The following FOCAD variants were observed in gnomAD, a reference collection of about 807,000 sequenced individuals.
The protein encoded by FOCAD is focadhesin, also known as KIAA1797.
FOCAD carries 198 observed loss-of-function variants against 225.6 expected under a neutral mutation model. The observed-to-expected ratio is 0.88, with a 90% CI of 0.78 to 0.99. The LOEUF is 0.99. FOCAD is among the 50% of genes least tolerant of loss of function. The pLI, the probability that FOCAD is intolerant of heterozygous loss-of-function variation, is 0.00. For synonymous variants in FOCAD, 897 were observed against 755.0 expected, an observed-to-expected ratio of 1.19 and a Z score of -3.08; for missense variants, 2,713 against 2,123.6, an observed-to-expected ratio of 1.28 and a Z score of -5.46.
intron 42 of FOCAD, among the ~76,000 whole-genome samples, chr9:20,991,321 T>G (rs1282608585): frequency 2.0e-5 from 3 of 152,222 alleles, no homozygotes; most frequent in Non-Finnish European, 4.4e-5. Context: ...TTTATGAAGT[T>G]GAAAGCTTCA....
At chr9:20,850,381 A>C (rs1827531011) in intron 15 of FOCAD, among the ~76,000 whole-genome samples, 1 of 151,840 alleles carries the variant, frequency 6.6e-6, no homozygotes, top group African/African-American at 2.4e-5. Flanking sequence ...ACTGTCGAGG[A>C]AGAAAATCTA....
chr9:20,961,814 G>C (rs10964766), intron 35 of FOCAD, among the ~76,000 whole-genome samples: 55,159 of 151,954 alleles, frequency 0.36, 10,279 homozygotes, highest in East Asian at 0.43. Flanking sequence ...TCTCCACTGG[G>C]TGCCATCCTA....
At chr9:20,989,351 T>C (rs1841457752) in intron 41 of FOCAD, among the ~76,000 whole-genome samples, 2 of 152,248 alleles carry the variant, frequency 1.3e-5, no homozygotes, top group Admixed American at 6.5e-5. Flanking sequence ...TTATTAACTT[T>C]CTCTGTTTTC....
At chr9:20,948,984 G>A in intron 32 of FOCAD, 56 bp downstream of exon 32, 2 of 1,487,576 alleles carry the variant, frequency 1.3e-6, no homozygotes, top group Non-Finnish European at 1.9e-6. Flanking sequence ...AGCCATAGCG[G>A]GAGAAGAATA....
chr9:20,936,006 T>C (rs992159021), intron 28 of FOCAD, among the ~76,000 whole-genome samples: 9 of 152,248 alleles, frequency 5.9e-5, no homozygotes, highest in African/African-American at 2.2e-4. Flanking sequence ...TTTTATGAGA[T>C]ATTTAATGTT....
At chr9:20,867,188 T>C (rs1418940743) in intron 18 of FOCAD, among the ~76,000 whole-genome samples, 176 bp downstream of exon 18, 2 of 151,962 alleles carry the variant, frequency 1.3e-5, no homozygotes. Context: ...CTGTAGAGGT[T>C]TGAAGCAGAT....
chr9:20,682,503 A>G (rs976829927), upstream of FOCAD, among the ~76,000 whole-genome samples: 2 of 152,240 alleles, frequency 1.3e-5, no homozygotes, highest in African/African-American at 4.8e-5. Context: ...ACTGCCTCAT[A>G]AAGTTGTTCT....
rs1237534258 is a variant in FOCAD at position 20,777,308 on chromosome 9, T to C, written c.907-1373T>C. Reference sequence around the variant, plus strand: ...GATTTCCTTTTTTTCCTGTGGGTTTTTTTTTTTTTTTTTTTTGACTGTCTT... The same window carrying C: ...GATTTCCTTTTTTTCCTGTGGGTTTCTTTTTTTTTTTTTTTTGACTGTCTT... On this transcript the variant is annotated intron_variant, in intron 8 of 43. Transcript: ENST00000338382. Among the ~76,000 whole-genome samples the C allele has an allele frequency of 2.0e-4, 21 of 104,776 alleles. No homozygotes were observed. The South Asian group carries it at 5.8e-3, about 29-fold the overall frequency. 68.7% of individuals were successfully genotyped at this position (104,776 alleles called of 152,430 possible). A position where few individuals can be genotyped will look rare whatever the true frequency, so the allele number is the denominator to read the frequency against.
chr9:20,840,694 C>G lies in FOCAD; in HGVS notation c.1920+17579C>G, dbSNP rs573555743. On this transcript the variant is annotated intron_variant, in intron 15 of 43. Transcript: ENST00000338382. ...ACTGCAAAATAAGGTAATTTGACTT[C>G]TTCAATTTGGATGCCCTTTCTTTCT... 2.0e-5 allele frequency among the ~76,000 whole-genome samples: 3 copies of G among 150,990 alleles called. No individual in the cohort carries two copies. In the East Asian group the frequency reaches 5.9e-4, roughly 30 times the overall value.
chr9:20,656,723 G>C (rs56973394), upstream of FOCAD, among the ~76,000 whole-genome samples: 16,139 of 151,772 alleles, frequency 0.11, 1,886 homozygotes, highest in African/African-American at 0.29. Flanking sequence ...GGTCTTGACT[G>C]TTTATCCAAT....
chr9:20,876,042 C>T (rs570200215), intron 19 of FOCAD, among the ~76,000 whole-genome samples: 2 of 152,172 alleles, frequency 1.3e-5, no homozygotes, highest in Admixed American at 6.5e-5. Context: ...ATGGAAATTC[C>T]TGTGAAATTC....
At chr9:20,826,082 AT>A (rs1349098405) in intron 15 of FOCAD, among the ~76,000 whole-genome samples, 1 of 152,026 alleles carries the variant, frequency 6.6e-6, no homozygotes, top group Non-Finnish European at 1.5e-5. Flanking sequence ...TACAGCTACT[AT>A]TTCTTGGGTT....
At chr9:20,890,742 G>C (rs564690852) in intron 21 of FOCAD, among the ~76,000 whole-genome samples, 1 of 152,058 alleles carries the variant, frequency 6.6e-6, no homozygotes, top group African/African-American at 2.4e-5. Flanking sequence ...GTATAGAATT[G>C]TTATTAATTT....
rs1554648807 is a variant in FOCAD, at chr9:20,663,499, A to ACACC, written c.-78+4676_-78+4677insCCAC. 7.9e-5 allele frequency among the ~76,000 whole-genome samples: 12 copies of ACACC among 151,796 alleles called. 1 individual carries two copies. The highest frequency in any genetic ancestry group is 2.4e-4 in the African/African-American group (10 of 41,364). On this transcript the variant is annotated intron_variant, in intron 2 of 45. Coordinates refer to the FOCAD transcript ENST00000380249. ...AACACACACACACACACACACACAC[A>ACACC]CACACACATACACACAGTTTATGAC...
intron 15 of FOCAD, among the ~76,000 whole-genome samples, chr9:20,835,227 G>C (rs1424455651): frequency 6.6e-6 from 1 of 151,928 alleles, no homozygotes. Flanking sequence ...ACAATGTTTG[G>C]TGTTTGGTGT....
chr9:20,884,314 T>C (rs1780460902), intron 20 of FOCAD, among the ~76,000 whole-genome samples: 2 of 152,188 alleles, frequency 1.3e-5, no homozygotes, highest in South Asian at 4.1e-4. Flanking sequence ...ACGTTTATAT[T>C]TTGAGACAGA....
chr9:20,785,374 C>T (rs556686167), intron 10 of FOCAD, among the ~76,000 whole-genome samples: 1 of 152,094 alleles, frequency 6.6e-6, no homozygotes, highest in Non-Finnish European at 1.5e-5. Context: ...ACAATCCCTG[C>T]ACTCTTAGTC....
chr9:20,763,954 A>G (rs1829837313), intron 6 of FOCAD, among the ~76,000 whole-genome samples: 1 of 152,190 alleles, frequency 6.6e-6, no homozygotes, highest in African/African-American at 2.4e-5. Context: ...AGACCTTGAC[A>G]AATTATTTCA....
Position 20,976,415 on chromosome 9 carries a change from T to G in FOCAD, c.4133-5T>G, listed in dbSNP as rs764568890. ...TTTACTATTATTTTTCACTGTCTGTTATAGGTCCTGAATCTGTGCCTCCTT... is the reference window on the plus strand; with the variant it reads ...TTTACTATTATTTTTCACTGTCTGTGATAGGTCCTGAATCTGTGCCTCCTT... On this transcript the variant is annotated splice_region_variant and splice_polypyrimidine_tract_variant and intron_variant, in intron 35 of 43. Coordinates refer to ENST00000338382, the MANE Select transcript of FOCAD (RefSeq NM_001375567.1). The G allele has an allele frequency of 1.2e-6, 2 of 1,612,516 alleles. No homozygotes were observed. Among genetic ancestry groups the G allele is most frequent in the African/African-American group, 2.7e-5 (2 of 74,854 alleles).
Sources: gnomAD v4.1 joint callset for allele counts (sites outside exome capture counted in the v4.1 genomes callset) on GRCh38, gnomAD v4.1.1 for gene constraint, MANE v1.5 for transcripts, NCBI Gene and HGNC (gene_info 2026-07-23, HGNC 2026-07-21) for gene names.